The following CD96 variants were observed in gnomAD, a reference collection of about 807,000 sequenced individuals.
CD96 encodes the protein CD96 molecule, also known as T-cell surface protein tactile.
In CD96, 70 loss-of-function variants were observed where a neutral mutation model predicts 71.3. The ratio of observed to expected loss-of-function variants is 0.98; its 90% confidence interval spans 0.81 to 1.20. The LOEUF (loss-of-function observed/expected upper bound fraction) is 1.20, where lower values mean the gene tolerates loss of function less well. Among genes scored for constraint, CD96 ranks in the 50% most tolerant of loss-of-function variants. The pLI, the probability that CD96 is intolerant of heterozygous loss-of-function variation, is 0.00. For synonymous variants in CD96, 248 were observed against 233.0 expected, an observed-to-expected ratio of 1.06 and a Z score of -0.59; for missense variants, 742 against 677.5, an observed-to-expected ratio of 1.10 and a Z score of -1.06.
chr3:111,657,652 G>T lies in CD96; in HGVS notation c.*52+7794G>T, dbSNP rs1940265854. 2.0e-5 allele frequency among the ~76,000 whole-genome samples: 3 copies of T among 152,194 alleles called. No homozygotes were observed. In the South Asian group the frequency reaches 6.2e-4, roughly 32 times the overall value. On this transcript the variant is annotated intron_variant and NMD_transcript_variant, in intron 14 of 14. Transcript: ENST00000494798. ...AAATGTGTTGTCATTGGGTGCCCAGGTTCTCATTGAGGGAAAAGGAACATA... is the reference window on the plus strand; with the variant it reads ...AAATGTGTTGTCATTGGGTGCCCAGTTTCTCATTGAGGGAAAAGGAACATA...
chr3:111,665,867 G>A (rs535123285), downstream of CD96: 60 of 152,366 alleles, frequency 3.9e-4, no homozygotes, highest in Non-Finnish European at 8.1e-4. Context: ...ACACAGGAGC[G>A]GGGGCAGGAA....
chr3:111,653,544 C>T (rs146959690), downstream of CD96, among the ~76,000 whole-genome samples: 654 of 152,250 alleles, frequency 4.3e-3, 4 homozygotes, highest in African/African-American at 0.015. Context: ...CTTTAAAAAT[C>T]ATAGAACATT....
At chr3:111,568,905 A>G (rs1935847062) in intron 3 of CD96, among the ~76,000 whole-genome samples, 1 of 152,220 alleles carries the variant, frequency 6.6e-6, no homozygotes, top group Non-Finnish European at 1.5e-5. Context: ...AGAGGTGATC[A>G]TAAACATGAT....
In CD96 at chr3:111,567,539, G is replaced by C; in HGVS notation, c.435G>C (p.Trp145Cys). The C allele has an allele frequency of 6.2e-7, 1 of 1,604,982 alleles. No individual in the cohort carries two copies. The highest frequency in any genetic ancestry group is 8.5e-7 in the Non-Finnish European group (1 of 1,171,938). The change falls in exon 3 of 14, where the codon TGG (tryptophan) becomes TGC (cysteine). Residue 145 changes from tryptophan (W) to cysteine (C), a missense_variant. By Grantham distance (215) the Trp-to-Cys change is radical. Coordinates refer to ENST00000352690, the MANE Select transcript of CD96 (RefSeq NM_005816.5). ...LIQTHVTADE[W>C]NSNHTIEIEI... ...TTGTTACAGTTACAGCAGATGAATGGAACAGCAACCATACGATAGAAATAG... is the reference window on the plus strand; with the variant it reads ...TTGTTACAGTTACAGCAGATGAATGCAACAGCAACCATACGATAGAAATAG...
intron 2 of CD96, among the ~76,000 whole-genome samples, chr3:111,556,183 T>A (rs946952249): frequency 6.6e-6 from 1 of 152,290 alleles, no homozygotes; most frequent in East Asian, 1.9e-4. Flanking sequence ...GCTTTAATAC[T>A]TTGAATAGAC....
intron 5 of CD96, chr3:111,594,044 C>G (rs201572494): frequency 1.9e-6 from 3 of 1,614,166 alleles, no homozygotes; most frequent in Non-Finnish European, 1.7e-6. Context: ...CTCAGAGAAC[C>G]GGGTGCCCTT....
At chr3:111,545,581 C>T (rs1449927277) in intron 2 of CD96, among the ~76,000 whole-genome samples, 179 bp downstream of exon 2, 1 of 152,180 alleles carries the variant, frequency 6.6e-6, no homozygotes, top group Non-Finnish European at 1.5e-5. Flanking sequence ...TAAATGTAAA[C>T]TTGCAACAGT....
intron 8 of CD96, among the ~76,000 whole-genome samples, chr3:111,617,105 C>T (rs532693822): frequency 6.6e-6 from 1 of 152,330 alleles, no homozygotes; most frequent in Admixed American, 6.5e-5. Flanking sequence ...ACTTTGGGCG[C>T]CAAGGAGCAC....
At chr3:111,660,810 A>G (rs759278435) in intron 14 of CD96, among the ~76,000 whole-genome samples, 4 of 152,260 alleles carry the variant, frequency 2.6e-5, no homozygotes, top group Non-Finnish European at 5.9e-5. Context: ...ATAACTGGCT[A>G]GCCATATGCA....
At chr3:111,663,924 G>A (rs1360115438) in intron 14 of CD96, among the ~76,000 whole-genome samples, 2 of 151,896 alleles carry the variant, frequency 1.3e-5, no homozygotes, top group Non-Finnish European at 2.9e-5. Flanking sequence ...AAATTTTTTT[G>A]TATTTTTAGT....
chr3:111,588,944 CT>C (rs796254545), intron 5 of CD96, among the ~76,000 whole-genome samples: 20 of 142,918 alleles, frequency 1.4e-4, no homozygotes, highest in African/African-American at 4.7e-4. Flanking sequence ...GTTTTTGTTT[CT>C]TTTTTTTTCT....
rs1937336772 is a variant in CD96, at chr3:111,598,057, A to C, written c.808-63A>C. 7 of 785,574 alleles carry C rather than the reference A, an allele frequency of 8.9e-6. No homozygotes were observed. In the Admixed American group the frequency reaches 1.2e-4, roughly 14 times the overall value. The allele number at this position is 785,574 out of a possible 1,614,324, so 48.7% of individuals were successfully genotyped here. A position where few individuals can be genotyped will look rare whatever the true frequency, so the allele number is the denominator to read the frequency against. ...TTGCCAACTTATATGAATGTTAGTA[A>C]GTTGTAAGGAGTACCAGTTTCTTAG... On this transcript the variant is annotated intron_variant, in intron 5 of 13. Transcript: ENST00000352690.
intron 8 of CD96, among the ~76,000 whole-genome samples, chr3:111,622,928 A>G (rs551179315): frequency 2.0e-5 from 3 of 152,372 alleles, no homozygotes; most frequent in Admixed American, 6.5e-5. Flanking sequence ...AGCATAAGAC[A>G]TCAGGAAATG....
At position 111,619,665 on chromosome 3, in the gene CD96, T is replaced by C. The variant is rs137923837; in HGVS notation, c.1181-4089T>C. On this transcript the variant is annotated intron_variant, in intron 8 of 13. Coordinates refer to ENST00000352690, the MANE Select transcript of CD96 (RefSeq NM_005816.5). ...TTAAAACAAAAGGTACAAAGCAAGC[T>C]TTCTCACATCTGGAAATATATGATC... Among the ~76,000 whole-genome samples, 616 of 152,376 alleles carry C rather than the reference T, an allele frequency of 4.0e-3. 3 individuals are homozygous for C. Among genetic ancestry groups the C allele is most frequent in the African/African-American group, 0.014 (594 of 41,588 alleles).
intron 3 of CD96, chr3:111,571,022 G>T (rs1576332606): frequency 7.1e-7 from 1 of 1,400,900 alleles, no homozygotes; most frequent in Non-Finnish European, 1.0e-6. Context: ...TCTCTTTTGG[G>T]GTCAGCGGCT....
chr3:111,575,364 G>A (rs1457047827), intron 3 of CD96, among the ~76,000 whole-genome samples: 1 of 152,178 alleles, frequency 6.6e-6, no homozygotes, highest in African/African-American at 2.4e-5. Flanking sequence ...AAAATCAGAA[G>A]TTAGGGAAAA....
At chr3:111,597,604 A>C (rs1937318018) in intron 5 of CD96, among the ~76,000 whole-genome samples, 1 of 152,228 alleles carries the variant, frequency 6.6e-6, no homozygotes. Flanking sequence ...GTTTTTAAAA[A>C]TTAGGAAAAT....
chr3:111,612,487 T>C (rs904888518), intron 8 of CD96, among the ~76,000 whole-genome samples: 9 of 152,272 alleles, frequency 5.9e-5, no homozygotes, highest in African/African-American at 2.2e-4. Flanking sequence ...GCCTCCAATG[T>C]GTATGGACTG....
At chr3:111,619,452 T>G (rs917532783) in intron 8 of CD96, among the ~76,000 whole-genome samples, 1 of 152,226 alleles carries the variant, frequency 6.6e-6, no homozygotes, top group African/African-American at 2.4e-5. Flanking sequence ...AGTGTAACTC[T>G]GGATACTTGC....
Sources: gnomAD v4.1 joint callset for allele counts (sites outside exome capture counted in the v4.1 genomes callset) on GRCh38, gnomAD v4.1.1 for gene constraint, MANE v1.5 for transcripts, NCBI Gene and HGNC (gene_info 2026-07-23, HGNC 2026-07-21) for gene names.